CUL2: variants seen among roughly 807,000 people sequenced by gnomAD.
CUL2 encodes the protein cullin-2.
In CUL2, 22 loss-of-function variants were observed where a neutral mutation model predicts 110.2. The observed-to-expected ratio is 0.20, with a 90% confidence interval of 0.14 to 0.28. CUL2 has a LOEUF of 0.28. Ranked by LOEUF, CUL2 falls within the 10% of genes least tolerant of loss-of-function variation. The probability of loss-of-function intolerance (pLI) is 1.00; values close to 1 mark genes in which losing one functional copy is unlikely to be tolerated. For missense variants in CUL2, 631 were observed against 905.5 expected (o/e 0.70, Z 3.89); for synonymous variants, 279 against 293.2 (o/e 0.95, Z 0.49).
intron 1 of CUL2, among the ~76,000 whole-genome samples, chr10:35,085,492 C>A (rs1341405683): frequency 6.6e-6 from 1 of 151,908 alleles, no homozygotes; most frequent in Non-Finnish European, 1.5e-5. Flanking sequence ...CACCTGTAAT[C>A]CCAGCACTTT....
intron 1 of CUL2, chr10:35,074,018 G>A (rs531857709): frequency 5.0e-5 from 36 of 715,048 alleles, no homozygotes; most frequent in Middle Eastern, 4.6e-4. Flanking sequence ...TGCTGCGGCC[G>A]GTGCTCTAGG....
intron 16 of CUL2, among the ~76,000 whole-genome samples, chr10:35,026,198 C>G (rs2085332282): frequency 6.6e-6 from 1 of 152,170 alleles, no homozygotes. Context: ...CCAGCAGATC[C>G]ACCAATCCCT....
intron 12 of CUL2, 44 bp downstream of exon 12, chr10:35,032,391 A>G (rs1219499446): frequency 6.6e-7 from 1 of 1,509,340 alleles, no homozygotes; most frequent in Non-Finnish European, 9.0e-7. Flanking sequence ...ATTTTCTAAT[A>G]CTGACTTTTC....
At position 35,075,887 on chromosome 10, in the gene CUL2, G is replaced by C. The variant is rs4934714; in HGVS notation, c.-22-4548C>G. The stretch of plus-strand genomic sequence containing the variant: ...TTACAAAAGTGAATTATAAAACGCA[G>C]CTACCATATGACCCAGCAATTCCAC... On this transcript the variant is annotated intron_variant, in intron 1 of 20. Coordinates refer to ENST00000374749, the MANE Select transcript of CUL2 (RefSeq NM_003591.4). Among the ~76,000 whole-genome samples the C allele has an allele frequency of 5.9e-3, 899 of 152,114 alleles. 31 individuals carry two copies. The East Asian group carries it at 0.12, about 20-fold the overall frequency.
At chr10:35,082,595 A>G (rs1414288987) in intron 1 of CUL2, among the ~76,000 whole-genome samples, 2 of 152,224 alleles carry the variant, frequency 1.3e-5, no homozygotes, top group African/African-American at 2.4e-5. Flanking sequence ...CTTAAAAACT[A>G]GATCACAGGT....
At chr10:35,082,844 C>CTATACACTTACATAATTACAA (rs1350947172) in intron 1 of CUL2, among the ~76,000 whole-genome samples, 2 of 152,122 alleles carry the variant, frequency 1.3e-5, no homozygotes, top group Non-Finnish European at 2.9e-5. Context: ...ATTTTGGTAA[C>CTATACACTTACATAATTACAA]TATACACTTA....
chr10:35,121,153 C>T (rs191029973), intron 1 of CUL2, among the ~76,000 whole-genome samples: 21 of 152,298 alleles, frequency 1.4e-4, no homozygotes, highest in Middle Eastern at 3.4e-3. Flanking sequence ...AATTCAGGAG[C>T]TATTAGAGAA....
rs777120601 is a variant in CUL2 at position 35,011,941 on chromosome 10, T to A, written c.2013A>T (p.Ala671=). 6.2e-7 allele frequency: 1 copy of A among 1,607,812 alleles called. No individual in the cohort carries two copies. Among genetic ancestry groups the A allele is most frequent in the African/African-American group, 1.3e-5 (1 of 74,862 alleles). The part of the protein sequence containing the change: ...TPQEMEQTRS[A]VDEDRKMYLQ... Reference sequence around the variant, plus strand: ...GATACATTTTCCGGTCCTCATCAACTGCACTTCTAGTCTGCTCCATTTCCT... The same window carrying A: ...GATACATTTTCCGGTCCTCATCAACAGCACTTCTAGTCTGCTCCATTTCCT... The change falls in exon 20 of 21, where the codon GCA becomes GCT. Residue 671 remains alanine (A), a synonymous_variant. Transcript: ENST00000374749.
chr10:35,093,050 A>G (rs2087237514), upstream of CUL2, among the ~76,000 whole-genome samples: 1 of 152,082 alleles, frequency 6.6e-6, no homozygotes, highest in East Asian at 1.9e-4. Context: ...CTCGTGACTC[A>G]TGACTCAGAA....
At chr10:35,094,266 G>A (rs967658013), upstream of CUL2, among the ~76,000 whole-genome samples, 24 of 149,734 alleles carry the variant, frequency 1.6e-4, no homozygotes, top group South Asian at 1.5e-3. Context: ...ATGGAGTTTC[G>A]CTCTTGTTGC....
intron 8 of CUL2, 48 bp from the exon 9 acceptor site, chr10:35,039,130 G>A: frequency 4.0e-6 from 5 of 1,257,180 alleles, no homozygotes; most frequent in Admixed American, 2.8e-5. Flanking sequence ...TTTACTATGA[G>A]GAAAAATCTG....
chr10:35,086,719 A>AAAAT (rs144309375), intron 1 of CUL2, among the ~76,000 whole-genome samples: 88 of 152,160 alleles, frequency 5.8e-4, no homozygotes, highest in African/African-American at 1.0e-3. Flanking sequence ...ACACCATCTC[A>AAAAT]AAATAAATAA....
intron 8 of CUL2, 39 bp downstream of exon 8, chr10:35,044,527 C>T (rs1437488095): frequency 1.7e-5 from 22 of 1,331,628 alleles, no homozygotes; most frequent in African/African-American, 3.0e-5. Flanking sequence ...AGGCCAGATA[C>T]AAAATAGATA....
intron 1 of CUL2, among the ~76,000 whole-genome samples, chr10:35,084,805 T>C (rs2087021317): frequency 6.6e-6 from 1 of 152,160 alleles, no homozygotes; most frequent in African/African-American, 2.4e-5. Context: ...GGGCTGATCC[T>C]GTCATCAATT....
rs1361123449 is a variant in CUL2, at chr10:35,029,538, G to C, written c.1489C>G (p.Gln497Glu). ...ATTCCCAAATCTATTACTGTGTCTT[G>C]GTTTTTGATAAAATTGTTGAACTTA... ...NNKFNNFIKN[Q>E]DTVIDLGISF... is the part of the protein sequence containing the mutation. Residue 497 changes from glutamine (Q) to glutamate (E), a missense_variant, in exon 15 of 21, where the codon CAA becomes GAA. Physicochemically the swap from Gln to Glu is conservative, Grantham distance 29 (BLOSUM62 2). Around this residue, in one of 3 missense-constraint regions of CUL2, gnomAD observed 134 missense variants for 260.4 expected, o/e 0.51. Coordinates refer to ENST00000374749, the MANE Select transcript of CUL2 (RefSeq NM_003591.4). 2 of 1,584,992 alleles carry C rather than the reference G, an allele frequency of 1.3e-6. No homozygotes were observed. Among genetic ancestry groups the C allele is most frequent in the Admixed American group, 3.7e-5 (2 of 53,486 alleles).
intron 1 of CUL2, among the ~76,000 whole-genome samples, chr10:35,082,066 G>A (rs1301427576): frequency 4.0e-5 from 6 of 151,562 alleles, no homozygotes; most frequent in African/African-American, 1.2e-4. Flanking sequence ...GGAGGCCAAC[G>A]TGGGAGGATC....
intron 1 of CUL2, among the ~76,000 whole-genome samples, chr10:35,104,841 T>G (rs2087432976): frequency 6.6e-6 from 1 of 151,904 alleles, no homozygotes; most frequent in Non-Finnish European, 1.5e-5. Flanking sequence ...GCGATTCTTT[T>G]GCCTCAGCCT....
At chr10:35,052,985 CTT>C (rs2086151274) in intron 5 of CUL2, among the ~76,000 whole-genome samples, 2 of 150,064 alleles carry the variant, frequency 1.3e-5, no homozygotes, top group Non-Finnish European at 3.0e-5. Flanking sequence ...AAAAAACAAA[CTT>C]ATGTAAAAAG....
chr10:35,103,701 C>T (rs572702531), intron 1 of CUL2, among the ~76,000 whole-genome samples: 1 of 152,256 alleles, frequency 6.6e-6, no homozygotes, highest in East Asian at 1.9e-4. Context: ...CTCAAGTGAT[C>T]TGCCCACCTC....
Sources: allele counts gnomAD v4.1 joint callset (sites outside exome capture counted in the v4.1 genomes callset), GRCh38; gene constraint gnomAD v4.1.1; regional missense constraint gnomAD v4.1.1; transcripts MANE v1.5; gene names NCBI Gene and HGNC (gene_info 2026-07-23, HGNC 2026-07-21).